FCHSD2: variants seen among roughly 807,000 people sequenced by gnomAD.
FCHSD2 encodes the protein F-BAR and double SH3 domains protein 2.
Under a neutral mutation model 108.1 loss-of-function variants are expected in FCHSD2, and 38 were observed. The observed-to-expected ratio is 0.35, with a 90% CI of 0.27 to 0.46. The LOEUF is 0.46. Among genes scored for constraint, FCHSD2 ranks in the 20% least tolerant of loss-of-function variants. FCHSD2 has a pLI of 1.00. For synonymous variants in FCHSD2, 279 were observed against 314.7 expected, an observed-to-expected ratio of 0.89 and a Z score of 1.20; for missense variants, 751 against 897.8, an observed-to-expected ratio of 0.84 and a Z score of 2.09.
chr11:73,115,596 A>G (rs1453337875), intron 2 of FCHSD2, among the ~76,000 whole-genome samples: 1 of 152,248 alleles, frequency 6.6e-6, no homozygotes, highest in African/African-American at 2.4e-5. Flanking sequence ...GAAGAGAGAA[A>G]ACACGAGAGA....
intron 3 of FCHSD2, among the ~76,000 whole-genome samples, chr11:73,073,779 A>G (rs1418322799): frequency 6.6e-6 from 1 of 152,222 alleles, no homozygotes; most frequent in Non-Finnish European, 1.5e-5. Flanking sequence ...AAGTTAATAT[A>G]TTTAACTGGA....
At chr11:72,906,193 A>AT (rs1159562577) in intron 9 of FCHSD2, among the ~76,000 whole-genome samples, 3 of 152,094 alleles carry the variant, frequency 2.0e-5, no homozygotes, top group African/African-American at 7.2e-5. Context: ...GATGATGAGC[A>AT]TTTTTTCATG....
intron 3 of FCHSD2, among the ~76,000 whole-genome samples, chr11:73,024,218 A>G (rs763016341): frequency 6.6e-6 from 1 of 152,150 alleles, no homozygotes; most frequent in Non-Finnish European, 1.5e-5. Context: ...AGACTGTGAC[A>G]AATCCAATTG....
chr11:73,126,183 T>A (rs553329952), intron 2 of FCHSD2, among the ~76,000 whole-genome samples: 177 of 151,170 alleles, frequency 1.2e-3, no homozygotes, highest in Non-Finnish European at 1.9e-3. Context: ...CTACTAAAAA[T>A]ACAAAAATTA....
chr11:72,865,662 G>A (rs1041777531), intron 13 of FCHSD2, among the ~76,000 whole-genome samples: 8 of 151,878 alleles, frequency 5.3e-5, no homozygotes, highest in African/African-American at 1.9e-4. Context: ...ATCCTCCATG[G>A]GGCACACTTT....
At chr11:73,013,123 A>G (rs988527533) in intron 4 of FCHSD2, among the ~76,000 whole-genome samples, 1 of 152,140 alleles carries the variant, frequency 6.6e-6, no homozygotes, top group Non-Finnish European at 1.5e-5. Flanking sequence ...CAAACTCTAT[A>G]CTGTGATATG....
intron 2 of FCHSD2, among the ~76,000 whole-genome samples, chr11:73,087,849 G>A (rs967897682): frequency 2.6e-5 from 4 of 152,112 alleles, no homozygotes; most frequent in African/African-American, 7.2e-5. Flanking sequence ...GCAACTTCCA[G>A]TCTCCTAAGC....
chr11:72,845,437 C>CAAAAAA (rs755929012), intron 14 of FCHSD2, among the ~76,000 whole-genome samples: 5 of 81,972 alleles, frequency 6.1e-5, no homozygotes, highest in Non-Finnish European at 1.1e-4. Flanking sequence ...GACCCTGTCT[C>CAAAAAA]AAAAAAAAAA....
chr11:72,858,448 T>C (rs1222306237), intron 13 of FCHSD2, among the ~76,000 whole-genome samples: 1 of 152,168 alleles, frequency 6.6e-6, no homozygotes, highest in African/African-American at 2.4e-5. Flanking sequence ...TAAAGAAGAA[T>C]GAGATCATGT....
chr11:73,089,988 T>C (rs1859914975), intron 2 of FCHSD2, among the ~76,000 whole-genome samples: 1 of 151,990 alleles, frequency 6.6e-6, no homozygotes, highest in African/African-American at 2.4e-5. Flanking sequence ...GGAACATAAG[T>C]AGACAGAGAT....
intron 2 of FCHSD2, among the ~76,000 whole-genome samples, chr11:73,133,352 G>C (rs1167233646): frequency 6.6e-6 from 1 of 152,144 alleles, no homozygotes; most frequent in African/African-American, 2.4e-5. Flanking sequence ...ATAGTAAAAA[G>C]TAGAAACAAC....
intron 8 of FCHSD2, among the ~76,000 whole-genome samples, chr11:72,932,874 A>C (rs1468770629): frequency 6.6e-6 from 1 of 152,200 alleles, no homozygotes; most frequent in Non-Finnish European, 1.5e-5. Context: ...CACCAATCAG[A>C]ATTCGCATGA....
At chr11:72,913,680 C>A (rs1855809699) in intron 9 of FCHSD2, among the ~76,000 whole-genome samples, 1 of 152,096 alleles carries the variant, frequency 6.6e-6, no homozygotes. Context: ...TCCTTTTTCA[C>A]TTCTGATTTT....
chr11:73,063,455 A>G (rs1299196254), intron 3 of FCHSD2, among the ~76,000 whole-genome samples: 1 of 152,258 alleles, frequency 6.6e-6, no homozygotes, highest in Non-Finnish European at 1.5e-5. Context: ...CCTTAAATGT[A>G]AATGGGCTAA....
Position 72,989,054 on chromosome 11 carries a change from G to A in FCHSD2, c.431C>T (p.Thr144Ile). 6.2e-7 allele frequency: 1 copy of A among 1,608,620 alleles called. No homozygotes were observed. The highest frequency in any genetic ancestry group is 8.5e-7 in the Non-Finnish European group (1 of 1,176,542). Residue 144 changes from threonine to isoleucine, a missense_variant, in exon 6 of 20, where the codon ACA becomes ATA. Transcript: ENST00000409418. ...TTTGCCTTTAGCTAAATCTTTCACT[G>A]TCTCTTGTAATTCAGTTTGGATCTT... ...LTKIQTELQE[T>I]VKDLAKGKKK...
At chr11:73,021,808 G>T (rs1858113279) in intron 3 of FCHSD2, among the ~76,000 whole-genome samples, 3 of 152,100 alleles carry the variant, frequency 2.0e-5, no homozygotes, top group Admixed American at 2.0e-4. Context: ...CAAAAAACTG[G>T]CTGGGCGTGG....
intron 8 of FCHSD2, among the ~76,000 whole-genome samples, chr11:72,973,454 T>C (rs1237625568): frequency 6.6e-6 from 1 of 152,134 alleles, no homozygotes; most frequent in Non-Finnish European, 1.5e-5. Flanking sequence ...ATAGCAAAGA[T>C]AACAAAGAAA....
chr11:73,020,761 TATA>T (rs1474269956), intron 3 of FCHSD2, among the ~76,000 whole-genome samples: 6 of 152,110 alleles, frequency 3.9e-5, no homozygotes, highest in Non-Finnish European at 8.8e-5. Context: ...ATTAATCTCA[TATA>T]ATAATATGTT....
chr11:72,989,597 G>A (rs559286766), intron 5 of FCHSD2, among the ~76,000 whole-genome samples: 55 of 152,150 alleles, frequency 3.6e-4, no homozygotes, highest in Non-Finnish European at 7.1e-4. Context: ...AGAGAAGCAC[G>A]AAACCTGGGT....
Sources: allele counts gnomAD v4.1 joint callset (sites outside exome capture counted in the v4.1 genomes callset), GRCh38; gene constraint gnomAD v4.1.1; transcripts MANE v1.5; gene names NCBI Gene and HGNC (gene_info 2026-07-23, HGNC 2026-07-21).